TBC1D9: variants seen among roughly 807,000 people sequenced by gnomAD.
TBC1D9 encodes TBC1 domain family member 9A.
A neutral mutation model predicts 132.0 loss-of-function variants in TBC1D9; 63 were observed. That is an observed-to-expected ratio of 0.48 (90% CI 0.39 to 0.59). The LOEUF (loss-of-function observed/expected upper bound fraction) is 0.59. Among genes scored for constraint, TBC1D9 ranks in the 20% least tolerant of loss-of-function variants. The pLI is 0.00. For synonymous variants in TBC1D9, 610 were observed against 609.9 expected (o/e 1.00, Z 0.00); for missense variants, 1,261 against 1,592.7 (o/e 0.79, Z 3.54).
At chr4:140,679,972 C>A in intron 3 of TBC1D9, 129 bp from the exon 4 acceptor site, 1 of 650,996 alleles carries the variant, frequency 1.5e-6, no homozygotes, top group South Asian at 2.5e-5. Flanking sequence ...CAATGGCAAC[C>A]CCCAAATTCT....
chr4:140,742,600 G>A (rs1354492966), intron 1 of TBC1D9, among the ~76,000 whole-genome samples: 1 of 144,404 alleles, frequency 6.9e-6, no homozygotes, highest in East Asian at 2.1e-4. Flanking sequence ...CATCTGACAA[G>A]AAAAGAAAAC....
At position 140,709,011 on chromosome 4, in the gene TBC1D9, A is replaced by G. The variant is rs574504770; in HGVS notation, c.131-7397T>C. Among the ~76,000 whole-genome samples the G allele has an allele frequency of 3.3e-5, 5 of 152,254 alleles. No individual in the cohort carries two copies. The South Asian group carries it at 1.0e-3, about 32-fold the overall frequency. ...TGGTGGGAGCAATTTTGTTTTCATA[A>G]GTATCATACATTCTTCCACTCTCCA... On this transcript the variant is annotated intron_variant, in intron 1 of 20. Transcript: ENST00000442267.
chr4:140,739,277 C>A (rs72720330), intron 1 of TBC1D9, among the ~76,000 whole-genome samples: 5 of 152,166 alleles, frequency 3.3e-5, no homozygotes, highest in Non-Finnish European at 5.9e-5. Context: ...AGCCACCGCA[C>A]CTGGCTCAAA....
rs139487481 is a variant in TBC1D9 at position 140,701,906 on chromosome 4, G to C, written c.131-292C>G. Among the ~76,000 whole-genome samples, 648 of 152,274 alleles carry C rather than the reference G, an allele frequency of 4.3e-3. 3 individuals are homozygous for C. The highest frequency in any genetic ancestry group is 0.015 in the African/African-American group (610 of 41,540). On this transcript the variant is annotated intron_variant, in intron 1 of 20. Transcript: ENST00000442267. ...ATGTTTAAAAAATTAGTACAATTCA[G>C]CTCAGCAAACACTAATTAAATTCCT...
At chr4:140,721,835 C>T (rs1423602351) in intron 1 of TBC1D9, among the ~76,000 whole-genome samples, 4 of 152,098 alleles carry the variant, frequency 2.6e-5, no homozygotes, top group Admixed American at 6.5e-5. Context: ...ACTGAATGCC[C>T]GTCTTGATAA....
intron 9 of TBC1D9, among the ~76,000 whole-genome samples, chr4:140,664,572 T>C (rs190970000): frequency 5.7e-4 from 87 of 152,246 alleles, no homozygotes; most frequent in Non-Finnish European, 9.9e-4. Flanking sequence ...TAAAACTTAC[T>C]GCAAAGCTAC....
At chr4:140,655,133 A>G (rs1326375360) in intron 13 of TBC1D9, among the ~76,000 whole-genome samples, 1 of 152,190 alleles carries the variant, frequency 6.6e-6, no homozygotes, top group African/African-American at 2.4e-5. Flanking sequence ...TGTTGTAAGT[A>G]TAAAAACATA....
chr4:140,647,022 A>G (rs146766679), intron 13 of TBC1D9, among the ~76,000 whole-genome samples: 1 of 152,338 alleles, frequency 6.6e-6, no homozygotes, highest in African/African-American at 2.4e-5. Flanking sequence ...ATTTTGATCC[A>G]AACAGAAAAG....
At chr4:140,635,489 T>A (rs763313975) in intron 15 of TBC1D9, among the ~76,000 whole-genome samples, 1 of 151,980 alleles carries the variant, frequency 6.6e-6, no homozygotes, top group Non-Finnish European at 1.5e-5. Context: ...CTTAAAAAAA[T>A]AAAACTAAAA....
intron 15 of TBC1D9, 91 bp downstream of exon 15, chr4:140,638,994 CT>C (rs774720840): frequency 9.9e-5 from 90 of 911,376 alleles, no homozygotes; most frequent in Non-Finnish European, 1.5e-4. Context: ...TATATTATCC[CT>C]TAATTTAACA....
chr4:140,657,556 A>T lies in TBC1D9; in HGVS notation c.2178T>A (p.Asp726Glu). The T allele has an allele frequency of 6.2e-7, 1 of 1,613,910 alleles. No individual in the cohort carries two copies. The highest frequency in any genetic ancestry group is 8.5e-7 in the Non-Finnish European group (1 of 1,179,842). The change falls in exon 12 of 21, where the codon GAT becomes GAA. Residue 726 changes from aspartate to glutamate, a missense_variant. Asp to Glu is a conservative substitution (Grantham distance 45, BLOSUM62 2). Coordinates refer to ENST00000442267, the MANE Select transcript of TBC1D9 (RefSeq NM_015130.3). ...CCAAAACGGTCATGGCCTCCCCATC[A>T]TCCTTGCAGTTCAACAGTTTGTCCA... ...ANVDKLLNCK[D>E]DGEAMTVLGR...
At chr4:140,716,817 T>C (rs899556899) in intron 1 of TBC1D9, among the ~76,000 whole-genome samples, 3 of 151,648 alleles carry the variant, frequency 2.0e-5, no homozygotes, top group African/African-American at 7.3e-5. Context: ...TGTCTACACC[T>C]AGTTCCTTAA....
intron 1 of TBC1D9, among the ~76,000 whole-genome samples, chr4:140,742,710 ACACACTCCC>A (rs1432241658): frequency 2.0e-5 from 3 of 152,078 alleles, no homozygotes; most frequent in Non-Finnish European, 4.4e-5. Context: ...CTATACATAC[ACACACTCCC>A]CACAAACCCC....
At chr4:140,687,366 A>G (rs755333223) in intron 2 of TBC1D9, among the ~76,000 whole-genome samples, 22,942 of 88,982 alleles carry the variant, frequency 0.26, 4,236 homozygotes, top group African/African-American at 0.32. Flanking sequence ...ATATATATAT[A>G]TATATATATA....
At chr4:140,703,396 C>T (rs1738101225) in intron 1 of TBC1D9, among the ~76,000 whole-genome samples, 1 of 152,220 alleles carries the variant, frequency 6.6e-6, no homozygotes, top group Non-Finnish European at 1.5e-5. Context: ...CTTCCCACTG[C>T]TCTGGCATCC....
intron 2 of TBC1D9, among the ~76,000 whole-genome samples, chr4:140,689,453 C>T (rs1278712259): frequency 2.0e-5 from 1 of 51,036 alleles, no homozygotes; most frequent in Non-Finnish European, 4.0e-5. Context: ...TCCTTCCCTT[C>T]CCCCCTTCCC....
intron 10 of TBC1D9, among the ~76,000 whole-genome samples, chr4:140,660,966 G>C (rs1026606867): frequency 3.3e-5 from 5 of 151,898 alleles, no homozygotes; most frequent in Non-Finnish European, 5.9e-5. Context: ...CCAGGCTGGA[G>C]TGCAGTGGTA....
chr4:140,622,739 G>A lies in TBC1D9; in HGVS notation c.3257C>T (p.Ser1086Phe), dbSNP rs1736639215. 1.2e-6 allele frequency: 2 copies of A among 1,608,058 alleles called. No individual in the cohort carries two copies. The highest frequency in any genetic ancestry group is 4.5e-5 in the East Asian group (2 of 44,872). ...CACGCCTGGGATGCCCTGGTGGCAG[G>A]ACGGCCCACTGCCTCCGCTCCCGCC... ...KEGGSGGSGP[S>F]CHQGIPGVLF... Residue 1086 changes from serine to phenylalanine, a missense_variant, in exon 21 of 21, where the codon TCC becomes TTC. By Grantham distance (155) the Ser-to-Phe change is radical. Coordinates refer to ENST00000442267, the MANE Select transcript of TBC1D9 (RefSeq NM_015130.3).
chr4:140,751,414 C>T (rs986097493), intron 1 of TBC1D9, among the ~76,000 whole-genome samples: 2 of 152,148 alleles, frequency 1.3e-5, no homozygotes, highest in Admixed American at 1.3e-4. Context: ...ACCCCTACTT[C>T]ACACAATATG....
Sources: allele counts gnomAD v4.1 joint callset (sites outside exome capture counted in the v4.1 genomes callset), GRCh38; gene constraint gnomAD v4.1.1; transcripts MANE v1.5; gene names NCBI Gene and HGNC (gene_info 2026-07-23, HGNC 2026-07-21).